Variants in RIC1 observed in about 807,000 individuals in gnomAD.
RIC1 encodes guanine nucleotide exchange factor subunit RIC1.
In RIC1, 88 loss-of-function variants were observed where a neutral mutation model predicts 169.0. The observed-to-expected ratio is 0.52, with a 90% confidence interval of 0.44 to 0.62. The LOEUF is 0.62. Ranked by LOEUF, RIC1 falls within the 20% of genes least tolerant of loss-of-function variation. The pLI is 0.00. For missense variants in RIC1, 1,877 were observed against 1,725.5 expected (o/e 1.09, Z -1.56); for synonymous variants, 790 against 601.5 (o/e 1.31, Z -4.59).
intron 2 of RIC1, among the ~76,000 whole-genome samples, chr9:5,672,315 T>G (rs1450469665): frequency 6.6e-6 from 1 of 152,134 alleles, no homozygotes; most frequent in Admixed American, 6.6e-5. Flanking sequence ...AATATGTGGC[T>G]CCTATTGATG....
At chr9:5,695,507 G>A (rs894987932) in intron 3 of RIC1, among the ~76,000 whole-genome samples, 1 of 149,976 alleles carries the variant, frequency 6.7e-6, no homozygotes, top group African/African-American at 2.5e-5. Context: ...TTCCCTCCTC[G>A]TAATTCCCAA....
At chr9:5,772,800 G>C in intron 24 of RIC1, 59 bp downstream of exon 24, 2 of 1,552,758 alleles carry the variant, frequency 1.3e-6, no homozygotes, top group South Asian at 1.2e-5. Flanking sequence ...TGGGCAAATA[G>C]GTATGGGGCT....
In RIC1 at chr9:5,776,477, T is replaced by C. The variant is rs188396981; in HGVS notation, c.*2231T>C. 1 of 152,212 alleles carries C rather than the reference T, an allele frequency of 6.6e-6. No homozygotes were observed. Among genetic ancestry groups the C allele is most frequent in the African/African-American group, 2.4e-5 (1 of 41,554 alleles). 9.4% of individuals were successfully genotyped at this position (152,212 alleles called of 1,614,324 possible). A position where few individuals can be genotyped will look rare whatever the true frequency, so the allele number is the denominator to read the frequency against. Reference sequence around the variant, plus strand: ...GGGGTGTGGGAATAAAATCAACCTTTGCTTGTAATTAAAGTTGCTGCTATT... The same window carrying C: ...GGGGTGTGGGAATAAAATCAACCTTCGCTTGTAATTAAAGTTGCTGCTATT... On this transcript the variant is annotated 3_prime_UTR_variant, in exon 26 of 26. Coordinates refer to ENST00000414202, the MANE Select transcript of RIC1 (RefSeq NM_020829.4).
chr9:5,656,853 A>T (rs1819130981), intron 2 of RIC1, among the ~76,000 whole-genome samples, 163 bp downstream of exon 2: 1 of 152,152 alleles, frequency 6.6e-6, no homozygotes, highest in African/African-American at 2.4e-5. Flanking sequence ...GATTACTCCT[A>T]CTATAGCTTT....
intron 23 of RIC1, 40 bp downstream of exon 23, chr9:5,770,318 A>C: frequency 6.5e-7 from 1 of 1,547,578 alleles, no homozygotes; most frequent in East Asian, 2.3e-5. Flanking sequence ...AGTTCCTTTG[A>C]AGAAAATTTA....
chr9:5,672,844 G>A (rs547005429), intron 2 of RIC1, among the ~76,000 whole-genome samples: 1 of 152,160 alleles, frequency 6.6e-6, no homozygotes, highest in East Asian at 1.9e-4. Flanking sequence ...AAGGGAAAGA[G>A]AATCACATTG....
chr9:5,778,614 C>T (rs1160786256), downstream of RIC1, among the ~76,000 whole-genome samples: 2 of 152,226 alleles, frequency 1.3e-5, no homozygotes, highest in Non-Finnish European at 2.9e-5. Context: ...AAACACTCAA[C>T]AAACATACAT....
intron 3 of RIC1, among the ~76,000 whole-genome samples, chr9:5,711,812 G>C (rs1822944318): frequency 6.6e-6 from 1 of 152,296 alleles, no homozygotes; most frequent in Non-Finnish European, 1.5e-5. Context: ...ACCTATGAGT[G>C]AGAACATGCG....
intron 17 of RIC1, among the ~76,000 whole-genome samples, chr9:5,758,994 C>A (rs535220751): frequency 1.3e-5 from 2 of 151,986 alleles, no homozygotes; most frequent in Non-Finnish European, 2.9e-5. Context: ...CTGCCCACCT[C>A]GGCCTCCCAA....
At chr9:5,671,876 G>A (rs1035508268) in intron 2 of RIC1, among the ~76,000 whole-genome samples, 5 of 152,208 alleles carry the variant, frequency 3.3e-5, no homozygotes, top group African/African-American at 1.2e-4. Context: ...CAGGATCTGA[G>A]ATTTCACAGT....
At chr9:5,703,149 C>G (rs1035065666) in intron 3 of RIC1, among the ~76,000 whole-genome samples, 8 of 152,126 alleles carry the variant, frequency 5.3e-5, no homozygotes, top group African/African-American at 1.7e-4. Flanking sequence ...TCATCTGAGA[C>G]AAAACTAGTC....
chr9:5,722,721 C>T (rs911894283), intron 6 of RIC1, among the ~76,000 whole-genome samples: 19 of 152,000 alleles, frequency 1.3e-4, no homozygotes, highest in Non-Finnish European at 7.4e-5. Flanking sequence ...CCCCACCCCA[C>T]GACAGGCCCT....
chr9:5,759,912 A>C (rs960214607), intron 17 of RIC1, among the ~76,000 whole-genome samples: 7 of 152,204 alleles, frequency 4.6e-5, no homozygotes, highest in Admixed American at 4.6e-4. Context: ...TATTTAAAAA[A>C]GGACTCTTAT....
chr9:5,696,901 G>A (rs1396522213), intron 3 of RIC1, among the ~76,000 whole-genome samples: 1 of 152,128 alleles, frequency 6.6e-6, no homozygotes, highest in Non-Finnish European at 1.5e-5. Flanking sequence ...GAGGCTTTTT[G>A]TATGTCTTTT....
intron 21 of RIC1, among the ~76,000 whole-genome samples, chr9:5,766,593 C>A (rs1207696824): frequency 6.6e-6 from 1 of 152,164 alleles, no homozygotes; most frequent in Admixed American, 6.5e-5. Flanking sequence ...TGAGAACATA[C>A]TACATTTGGT....
Position 5,769,196 on chromosome 9 carries a change from C to A in RIC1, c.3364C>A (p.Leu1122Ile). Residue 1122 changes from leucine to isoleucine, a missense_variant, in exon 22 of 26, where the codon CTT (leucine) becomes ATT (isoleucine). Physicochemically the swap from Leu to Ile is conservative, Grantham distance 5. Around this residue, in one of 3 missense-constraint regions of RIC1, gnomAD observed 681 missense variants for 582.0 expected, o/e 1.17. Coordinates refer to ENST00000414202, the MANE Select transcript of RIC1 (RefSeq NM_020829.4). ...KRLHKDFLWP[L>I]PIIPASSISS... is the part of the protein sequence containing the mutation. ...ACTCCACAAAGATTTCCTGTGGCCA[C>A]TTCCAATCATCCCAGCCTCTTCTAT... 6.2e-7 allele frequency: 1 copy of A among 1,614,130 alleles called. No individual in the cohort carries two copies. Among genetic ancestry groups the A allele is most frequent in the Non-Finnish European group, 8.5e-7 (1 of 1,179,988 alleles).
intron 2 of RIC1, among the ~76,000 whole-genome samples, chr9:5,684,715 TC>T (rs1467152993): frequency 1.3e-5 from 2 of 152,180 alleles, no homozygotes; most frequent in Non-Finnish European, 2.9e-5. Context: ...CTTTTTCTTG[TC>T]TGAATTTACT....
At chr9:5,718,394 T>C (rs1490511805) in intron 4 of RIC1, among the ~76,000 whole-genome samples, 2 of 152,134 alleles carry the variant, frequency 1.3e-5, no homozygotes, top group Non-Finnish European at 2.9e-5. Flanking sequence ...GGGAAGTTAA[T>C]CTACCATGAA....
At chr9:5,683,115 T>G (rs1020950890) in intron 2 of RIC1, among the ~76,000 whole-genome samples, 12 of 152,038 alleles carry the variant, frequency 7.9e-5, no homozygotes, top group Admixed American at 7.2e-4. Flanking sequence ...TCGCACAGAG[T>G]AATTTGATTT....
Sources: allele counts gnomAD v4.1 joint callset (sites outside exome capture counted in the v4.1 genomes callset), GRCh38; gene constraint gnomAD v4.1.1; regional missense constraint gnomAD v4.1.1; transcripts MANE v1.5; gene names NCBI Gene and HGNC (gene_info 2026-07-23, HGNC 2026-07-21).